Variants in UBE2D4 observed in about 807,000 individuals in gnomAD.
The protein encoded by UBE2D4 is ubiquitin conjugating enzyme E2 D4, also known as ubiquitin-conjugating enzyme E2 D4.
UBE2D4 carries 17 observed loss-of-function variants against 23.0 expected under a neutral mutation model. The ratio of observed to expected loss-of-function variants is 0.74; its 90% CI spans 0.51 to 1.11. The LOEUF (loss-of-function observed/expected upper bound fraction) is 1.11, where lower values mean the gene tolerates loss of function less well. Among genes scored for constraint, UBE2D4 ranks in the 50% least tolerant of loss-of-function variants. The pLI, the probability that UBE2D4 is intolerant of heterozygous loss-of-function variation, is 0.00. For synonymous variants in UBE2D4, 61 were observed against 69.4 expected (o/e 0.88, Z 0.60); for missense variants, 139 against 181.8 (o/e 0.76, Z 1.35).
intron 4 of UBE2D4, among the ~76,000 whole-genome samples, chr7:43,945,776 CT>C (rs11339851): frequency 0.29 from 24,447 of 84,374 alleles, 1,104 homozygotes; most frequent in South Asian, 0.36. Flanking sequence ...GGCAAAATCC[CT>C]TTTTTTTTTT....
chr7:43,930,829 C>G (rs2095943634), intron 1 of UBE2D4, among the ~76,000 whole-genome samples: 1 of 151,998 alleles, frequency 6.6e-6, no homozygotes, highest in Non-Finnish European at 1.5e-5. Context: ...TTAGTCCATT[C>G]TTGCATTGCT....
At chr7:43,934,301 T>A (rs1244684941) in intron 1 of UBE2D4, among the ~76,000 whole-genome samples, 3 of 152,110 alleles carry the variant, frequency 2.0e-5, no homozygotes, top group African/African-American at 7.2e-5. Context: ...GGAAGAGTAG[T>A]AGAGGACTCT....
rs2096011128 is a variant in UBE2D4 at position 43,955,320 on chromosome 7, C to G, written c.*2625C>G. 1 of 152,052 alleles carries G rather than the reference C, an allele frequency of 6.6e-6. No homozygotes were observed. Among genetic ancestry groups the G allele is most frequent in the Non-Finnish European group, 1.5e-5 (1 of 68,012 alleles). 9.4% of individuals were successfully genotyped at this position (152,052 alleles called of 1,614,324 possible). A position where few individuals can be genotyped will look rare whatever the true frequency, so the allele number is the denominator to read the frequency against. On this transcript the variant is annotated 3_prime_UTR_variant, in exon 7 of 7. Transcript: ENST00000222402. ...TTTTTTCTCTGTGGACAAGAGTGAT[C>G]AGAAAGGTGCTTGATCTTGAACAAT...
Position 43,948,646 on chromosome 7 carries a change from CA to C in UBE2D4, c.217del (p.Ile73PhefsTer25). On this transcript the variant is annotated frameshift_variant, in exon 5 of 7. Transcript: ENST00000222402. LOFTEE classifies it high-confidence loss of function. ...FKPPKVAFTT[K>X]IYHPNINSNG... is the part of the protein sequence containing the mutation. ...TGTCTTTGCAGGTTGCTTTCACAAC[CA>C]AAATTTATCACCCTAATATCAACAG... The C allele has an allele frequency of 6.2e-7, 1 of 1,607,554 alleles. No individual in the cohort carries two copies. Among genetic ancestry groups the C allele is most frequent in the Non-Finnish European group, 8.5e-7 (1 of 1,175,302 alleles).
intron 1 of UBE2D4, among the ~76,000 whole-genome samples, chr7:43,931,830 T>G (rs1043179129): frequency 6.6e-6 from 1 of 151,798 alleles, no homozygotes; most frequent in African/African-American, 2.4e-5. Flanking sequence ...TCTGGAGTAG[T>G]GTGTGCCACC....
chr7:43,937,629 A>T (rs1356663875), intron 1 of UBE2D4, among the ~76,000 whole-genome samples: 5 of 152,214 alleles, frequency 3.3e-5, no homozygotes, highest in African/African-American at 1.2e-4. Flanking sequence ...GGCTTCTGTG[A>T]TGTTAATACT....
intron 5 of UBE2D4, 96 bp downstream of exon 5, chr7:43,948,833 C>G: frequency 1.0e-6 from 1 of 975,288 alleles, no homozygotes; most frequent in Non-Finnish European, 1.6e-6. Context: ...AAAGAAGTCA[C>G]CTTTCCCAGG....
At chr7:43,936,645 T>C (rs2095959426) in intron 1 of UBE2D4, among the ~76,000 whole-genome samples, 1 of 152,182 alleles carries the variant, frequency 6.6e-6, no homozygotes, top group South Asian at 2.1e-4. Context: ...TAGAAATATA[T>C]ATATTCTACT....
At chr7:43,933,005 T>TACACACAC (rs1330534374) in intron 1 of UBE2D4, among the ~76,000 whole-genome samples, 1 of 132,136 alleles carries the variant, frequency 7.6e-6, no homozygotes, top group Non-Finnish European at 1.6e-5. Context: ...TATATATATA[T>TACACACAC]ATATATATAC....
intron 1 of UBE2D4, among the ~76,000 whole-genome samples, chr7:43,929,521 G>A (rs2095940891): frequency 6.6e-6 from 1 of 151,900 alleles, no homozygotes; most frequent in African/African-American, 2.4e-5. Context: ...AGGCTAAGGT[G>A]GGAGAATCAC....
At position 43,948,779 on chromosome 7, in the gene UBE2D4, T is replaced by A. The variant is rs575893867; in HGVS notation, c.304+42T>A. On this transcript the variant is annotated intron_variant, in intron 5 of 6. Transcript: ENST00000222402. ...CATGCTCTGTGTGCTCTTTTACACA[T>A]GTTTTTACCCCAGCACTGACTGAGT... 12 of 1,453,632 alleles carry A rather than the reference T, an allele frequency of 8.3e-6. No individual in the cohort carries two copies. In the Admixed American group the frequency reaches 8.4e-5, roughly 10 times the overall value. 90.0% of individuals were successfully genotyped at this position (1,453,632 alleles called of 1,614,324 possible).
At chr7:43,945,351 T>A (rs2095983564) in intron 4 of UBE2D4, among the ~76,000 whole-genome samples, 1 of 152,154 alleles carries the variant, frequency 6.6e-6, no homozygotes, top group South Asian at 2.1e-4. Context: ...TGGGATTATT[T>A]TAACAAGGAG....
intron 1 of UBE2D4, among the ~76,000 whole-genome samples, chr7:43,933,666 C>T (rs1350157061): frequency 6.6e-6 from 1 of 152,144 alleles, no homozygotes; most frequent in Admixed American, 6.5e-5. Flanking sequence ...ATTGCTTGAA[C>T]CCAGTAGGCA....
intron 1 of UBE2D4, among the ~76,000 whole-genome samples, chr7:43,930,443 TTTAGTTAG>T (rs533385289): frequency 3.3e-5 from 5 of 152,196 alleles, no homozygotes; most frequent in African/African-American, 7.2e-5. Flanking sequence ...AGATGCACTT[TTTAGTTAG>T]TTAGTTAGTT....
intron 1 of UBE2D4, among the ~76,000 whole-genome samples, chr7:43,929,013 C>T (rs917309742): frequency 6.6e-6 from 1 of 152,128 alleles, no homozygotes; most frequent in Non-Finnish European, 1.5e-5. Flanking sequence ...CAAGGACAGG[C>T]TGGGTACAGT....
chr7:43,932,087 C>T (rs1428733768), intron 1 of UBE2D4, among the ~76,000 whole-genome samples: 1 of 151,960 alleles, frequency 6.6e-6, no homozygotes, highest in African/African-American at 2.4e-5. Context: ...CTCCCAGGTT[C>T]ACACCATTCT....
At chr7:43,938,664 C>A (rs967255851) in intron 2 of UBE2D4, among the ~76,000 whole-genome samples, 170 bp downstream of exon 2, 1 of 152,162 alleles carries the variant, frequency 6.6e-6, no homozygotes, top group African/African-American at 2.4e-5. Context: ...GGCGAAACCC[C>A]GTCTCTACTA....
chr7:43,936,738 C>CA (rs2095959606), intron 1 of UBE2D4, among the ~76,000 whole-genome samples: 1 of 152,178 alleles, frequency 6.6e-6, no homozygotes, highest in Admixed American at 6.5e-5. Flanking sequence ...CTCTTGCTTA[C>CA]ATTATATACA....
In UBE2D4 at chr7:43,953,362, TTA is replaced by T; in HGVS notation, c.*669_*670del. The T allele has an allele frequency of 5.7e-6, 2 of 351,052 alleles. No individual in the cohort carries two copies. The highest frequency in any genetic ancestry group is 1.1e-5 in the Non-Finnish European group (2 of 177,848). The allele number at this position is 351,052 out of a possible 1,614,324, so 21.7% of individuals were successfully genotyped here. On this transcript the variant is annotated 3_prime_UTR_variant, in exon 7 of 7. Transcript: ENST00000222402. Reference sequence around the variant, plus strand: ...GCACATAACACCCCATAAGAGATGATTATGTTTTTAGAAGCAAGAGCAAAATT... The same window carrying T: ...GCACATAACACCCCATAAGAGATGATTGTTTTTAGAAGCAAGAGCAAAATT...
Sources: allele counts gnomAD v4.1 joint callset (sites outside exome capture counted in the v4.1 genomes callset), GRCh38; gene constraint gnomAD v4.1.1; transcripts MANE v1.5; gene names NCBI Gene and HGNC (gene_info 2026-07-23, HGNC 2026-07-21).